Variants in ABCG2 observed in about 807,000 individuals in gnomAD.
The protein encoded by ABCG2 is broad substrate specificity ATP-binding cassette transporter ABCG2.
A neutral mutation model predicts 73.5 loss-of-function variants in ABCG2; 80 were observed. That is an observed-to-expected ratio of 1.09 (90% CI 0.91 to 1.31). ABCG2 has a LOEUF of 1.31. Among genes scored for constraint, ABCG2 ranks in the 50% most tolerant of loss-of-function variants. The pLI, the probability that ABCG2 is intolerant of heterozygous loss-of-function variation, is 0.00. For synonymous variants in ABCG2, 269 were observed against 282.4 expected (o/e 0.95, Z 0.48); for missense variants, 796 against 786.2 (o/e 1.01, Z -0.15).
At chr4:88,137,612 C>T (rs1725343012) in intron 2 of ABCG2, among the ~76,000 whole-genome samples, 1 of 152,142 alleles carries the variant, frequency 6.6e-6, no homozygotes, top group South Asian at 2.1e-4. Flanking sequence ...ACCTTCATTA[C>T]AAGGCTACAT....
At chr4:88,098,090 T>A (rs1384501216) in intron 12 of ABCG2, among the ~76,000 whole-genome samples, 1 of 152,152 alleles carries the variant, frequency 6.6e-6, no homozygotes, top group Non-Finnish European at 1.5e-5. Context: ...ACCACATCAC[T>A]CTGGATTGAA....
intron 1 of ABCG2, among the ~76,000 whole-genome samples, chr4:88,204,138 C>G (rs1469894844): frequency 2.0e-5 from 3 of 151,928 alleles, no homozygotes; most frequent in Non-Finnish European, 4.4e-5. Flanking sequence ...AGAATTCAAG[C>G]CGGCCGGGCT....
At chr4:88,124,615 T>C (rs370706749) in intron 5 of ABCG2, among the ~76,000 whole-genome samples, 13 of 152,258 alleles carry the variant, frequency 8.5e-5, no homozygotes, top group Admixed American at 3.9e-4. Context: ...GAGCTAACTA[T>C]CTAAAATCTA....
At chr4:88,095,673 T>C in intron 13 of ABCG2, 64 bp from the exon 14 acceptor site, 1 of 1,311,598 alleles carries the variant, frequency 7.6e-7, no homozygotes, top group African/African-American at 1.5e-5. Flanking sequence ...TTCTAGAGAA[T>C]ACCCTCTTCA....
chr4:88,131,070 T>C lies in ABCG2; in HGVS notation c.522A>G (p.Ala174=). The C allele has an allele frequency of 1.2e-6, 2 of 1,614,020 alleles. No homozygotes were observed. Among genetic ancestry groups the C allele is most frequent in the Non-Finnish European group, 8.5e-7 (1 of 1,179,980 alleles). Residue 174 remains alanine (A), a synonymous_variant, in exon 5 of 16, where the codon GCA becomes GCG. Transcript: ENST00000237612. ...VIQELGLDKV[A]DSKVGTQFIR... ...AGTTTTTCCACATTACCTTGGAGTC[T>C]GCCACTTTATCCAGACCTAACTCTT...
chr4:88,163,867 G>A (rs1727411310), upstream of ABCG2: 1 of 176,174 alleles, frequency 5.7e-6, no homozygotes, highest in Non-Finnish European at 1.2e-5. Flanking sequence ...TGAGGGTAAA[G>A]AATCACCAAA....
intron 1 of ABCG2, among the ~76,000 whole-genome samples, chr4:88,153,037 T>C: frequency 6.6e-6 from 1 of 151,990 alleles, no homozygotes; most frequent in African/African-American, 2.4e-5. Context: ...GAAAAACAGG[T>C]ATTAAAGGAC....
intron 1 of ABCG2, among the ~76,000 whole-genome samples, chr4:88,203,599 CA>C (rs1729263873): frequency 6.6e-6 from 1 of 151,896 alleles, no homozygotes; most frequent in African/African-American, 2.4e-5. Flanking sequence ...ACTAAAAATA[CA>C]AAAATTAGCT....
At chr4:88,104,931 T>G (rs1323950557) in intron 10 of ABCG2, among the ~76,000 whole-genome samples, 1 of 152,238 alleles carries the variant, frequency 6.6e-6, no homozygotes, top group African/African-American at 2.4e-5. Context: ...AAAGTTCCAG[T>G]TGAGGACCAG....
intron 5 of ABCG2, among the ~76,000 whole-genome samples, chr4:88,128,165 GA>G (rs1158561769): frequency 2.0e-5 from 3 of 152,078 alleles, no homozygotes; most frequent in African/African-American, 7.2e-5. Flanking sequence ...GCAAACATAT[GA>G]AAAAAACTTC....
intron 10 of ABCG2, among the ~76,000 whole-genome samples, chr4:88,102,147 C>T (rs1279794763): frequency 6.6e-6 from 1 of 152,182 alleles, no homozygotes; most frequent in Non-Finnish European, 1.5e-5. Flanking sequence ...GTGACATTAT[C>T]CTTGACCACG....
At chr4:88,100,506 CAAA>C (rs565550337) in intron 11 of ABCG2, among the ~76,000 whole-genome samples, 7 of 103,146 alleles carry the variant, frequency 6.8e-5, no homozygotes, top group Non-Finnish European at 6.0e-5. Context: ...GACTCTATGT[CAAA>C]AAAAAAAAAA....
chr4:88,101,444 T>C, intron 10 of ABCG2, 125 bp from the exon 11 acceptor site: 1 of 841,636 alleles, frequency 1.2e-6, no homozygotes, highest in East Asian at 2.7e-5. Context: ...AGGGAAACTG[T>C]TCTGGTTGGA....
rs1166522776 is a variant in ABCG2 at position 88,121,917 on chromosome 4, A to G, written c.532-125T>C. 7 of 919,904 alleles carry G rather than the reference A, an allele frequency of 7.6e-6. No homozygotes were observed. The South Asian group carries it at 1.0e-4, about 14-fold the overall frequency. 57.0% of individuals were successfully genotyped at this position (919,904 alleles called of 1,614,324 possible). ...TTAAGTTCATTTATTCTGAACAGCA[A>G]ATAAGTGGATACCTGGTAGAAAAAG... On this transcript the variant is annotated intron_variant, in intron 5 of 15. Transcript: ENST00000237612.
chr4:88,106,244 C>G (rs533442752), intron 10 of ABCG2, among the ~76,000 whole-genome samples: 1 of 152,088 alleles, frequency 6.6e-6, no homozygotes, highest in Middle Eastern at 3.4e-3. Context: ...CTCAAGCAAT[C>G]CTCCCACCTC....
chr4:88,124,701 C>G (rs1724262586), intron 5 of ABCG2, among the ~76,000 whole-genome samples: 1 of 152,178 alleles, frequency 6.6e-6, no homozygotes, highest in Non-Finnish European at 1.5e-5. Flanking sequence ...CAGACTCCCA[C>G]ACAATAATAG....
At chr4:88,115,621 CAAAA>C (rs34465562) in intron 7 of ABCG2, among the ~76,000 whole-genome samples, 11 of 107,906 alleles carry the variant, frequency 1.0e-4, no homozygotes, top group Non-Finnish European at 1.2e-4. Context: ...GTCTCTGGGC[CAAAA>C]AAAAAAAAAA....
intron 1 of ABCG2, among the ~76,000 whole-genome samples, chr4:88,144,946 T>C (rs760290773): frequency 6.6e-6 from 1 of 151,406 alleles, no homozygotes; most frequent in Non-Finnish European, 1.5e-5. Flanking sequence ...AACATTTTCA[T>C]ACAATGAAAA....
At chr4:88,122,522 C>T (rs1260211021) in intron 5 of ABCG2, among the ~76,000 whole-genome samples, 1 of 152,156 alleles carries the variant, frequency 6.6e-6, no homozygotes, top group African/African-American at 2.4e-5. Flanking sequence ...TGAGTAGGCC[C>T]TCACAGTGTA....
Sources: allele counts gnomAD v4.1 joint callset (sites outside exome capture counted in the v4.1 genomes callset), GRCh38; gene constraint gnomAD v4.1.1; transcripts MANE v1.5; gene names NCBI Gene and HGNC (gene_info 2026-07-23, HGNC 2026-07-21).